The following DENND1B variants were observed in gnomAD, a reference collection of about 807,000 sequenced individuals.
DENND1B encodes DENN domain containing 1B.
In DENND1B, 59 loss-of-function variants were observed where a neutral mutation model predicts 90.1. That is an observed-to-expected ratio of 0.65 (90% CI 0.53 to 0.81). The LOEUF is 0.81. DENND1B is among the 40% of genes least tolerant of loss of function. DENND1B has a pLI of 0.00. For synonymous variants in DENND1B, 337 were observed against 324.6 expected (o/e 1.04, Z -0.41); for missense variants, 862 against 912.6 (o/e 0.94, Z 0.71).
chr1:197,519,118 T>C (rs1668596496), intron 20 of DENND1B, among the ~76,000 whole-genome samples: 1 of 152,006 alleles, frequency 6.6e-6, no homozygotes. Context: ...TGGTTTTGTA[T>C]CTGTCAGCAT....
At chr1:197,614,872 T>G (rs761133228) in intron 11 of DENND1B, among the ~76,000 whole-genome samples, 4 of 151,120 alleles carry the variant, frequency 2.6e-5, no homozygotes, top group Non-Finnish European at 4.5e-5. Context: ...ACAATTTTAC[T>G]AGTCCTACAG....
intron 15 of DENND1B, among the ~76,000 whole-genome samples, chr1:197,580,846 A>G (rs1371738510): frequency 1.2e-4 from 19 of 152,186 alleles, no homozygotes; most frequent in Admixed American, 1.2e-3. Context: ...TAAAGTGAGC[A>G]CTAGGCTTTG....
chr1:197,683,978 G>A (rs1332296902), intron 3 of DENND1B, among the ~76,000 whole-genome samples: 1 of 152,168 alleles, frequency 6.6e-6, no homozygotes, highest in African/African-American at 2.4e-5. Context: ...CAACTTCGGA[G>A]GTGCCCTAGG....
At chr1:197,545,297 T>C (rs1178819399) in intron 18 of DENND1B, among the ~76,000 whole-genome samples, 1 of 151,732 alleles carries the variant, frequency 6.6e-6, no homozygotes, top group African/African-American at 2.4e-5. Flanking sequence ...CCCAGCTACT[T>C]GGGAGGCTGA....
At chr1:197,566,486 A>G (rs891099831) in intron 15 of DENND1B, among the ~76,000 whole-genome samples, 2 of 152,096 alleles carry the variant, frequency 1.3e-5, no homozygotes, top group Non-Finnish European at 2.9e-5. Flanking sequence ...ATAATGCCGC[A>G]TATCTACAAC....
chr1:197,550,019 T>C (rs1671098186), intron 16 of DENND1B, among the ~76,000 whole-genome samples: 1 of 152,136 alleles, frequency 6.6e-6, no homozygotes, highest in Admixed American at 6.6e-5. Context: ...ACCATCGGCA[T>C]TAACAAAAAT....
intron 2 of DENND1B, among the ~76,000 whole-genome samples, chr1:197,748,496 A>T (rs1243837968): frequency 2.6e-5 from 4 of 152,194 alleles, no homozygotes; most frequent in Admixed American, 6.5e-5. Context: ...TGACCTTAAA[A>T]TAGGGAGCAT....
chr1:197,633,476 A>G (rs947945856), intron 10 of DENND1B, among the ~76,000 whole-genome samples: 1 of 152,194 alleles, frequency 6.6e-6, no homozygotes. Context: ...GCAAAAAGAG[A>G]GAACTTGCTC....
At chr1:197,676,606 T>G (rs1656104162) in intron 3 of DENND1B, among the ~76,000 whole-genome samples, 1 of 152,156 alleles carries the variant, frequency 6.6e-6, no homozygotes, top group Non-Finnish European at 1.5e-5. Flanking sequence ...CTCCAAAATA[T>G]TTTATTTTTA....
In DENND1B at chr1:197,546,077, A is replaced by T; in HGVS notation, c.1282-87T>A. 8.3e-6 allele frequency: 9 copies of T among 1,083,524 alleles called. No individual in the cohort carries two copies. In the South Asian group the frequency reaches 1.4e-4, roughly 17 times the overall value. 67.1% of individuals were successfully genotyped at this position (1,083,524 alleles called of 1,614,324 possible). On this transcript the variant is annotated intron_variant, in intron 17 of 22. Transcript: ENST00000620048. ...AGTATTACAGTAAGTTGCATATTTA[A>T]AAAAAGGGCTTTACTCACAACTTAA... is the stretch of plus-strand genomic sequence containing the variant.
At position 197,645,718 on chromosome 1, in the gene DENND1B, A is replaced by G. The variant is rs1259600608; in HGVS notation, c.533T>C (p.Val178Ala). 1 of 1,572,294 alleles carries G rather than the reference A, an allele frequency of 6.4e-7. No homozygotes were observed. Among genetic ancestry groups the G allele is most frequent in the Admixed American group, 1.8e-5 (1 of 56,650 alleles). The change falls in exon 9 of 23, where the codon GTA (valine) becomes GCA (alanine). Residue 178 changes from valine to alanine, a missense_variant. Coordinates refer to ENST00000620048, the MANE Select transcript of DENND1B (RefSeq NM_001195215.2). ...VPHSYFIAPD[V>A]TGLPTIPESR... ...CTCGGGTATTGTTGGGAGTCCAGTTACATCAGGGGCAATGAAGTAGGAATG... is the reference window on the plus strand; with the variant it reads ...CTCGGGTATTGTTGGGAGTCCAGTTGCATCAGGGGCAATGAAGTAGGAATG...
chr1:197,646,973 G>A (rs1680777467), intron 8 of DENND1B, 82 bp downstream of exon 8: 2 of 1,029,440 alleles, frequency 1.9e-6, no homozygotes, highest in Non-Finnish European at 2.7e-6. Context: ...GGGCTGGAGT[G>A]AAGCTTAAAG....
chr1:197,554,817 G>GGCAACAGA (rs11283651), intron 15 of DENND1B, among the ~76,000 whole-genome samples: 105,703 of 131,548 alleles, frequency 0.8, 42,751 homozygotes, highest in East Asian at 0.87. Context: ...ACTCCAGCCT[G>GGCAACAGA]GCAAGACTCC....
At chr1:197,525,202 T>C (rs1409640891) in intron 20 of DENND1B, among the ~76,000 whole-genome samples, 1 of 152,156 alleles carries the variant, frequency 6.6e-6, no homozygotes, top group African/African-American at 2.4e-5. Context: ...ATAGTTCATA[T>C]GCCAAGTAAT....
chr1:197,606,881 G>A, intron 13 of DENND1B, 192 bp downstream of exon 13: 2 of 541,080 alleles, frequency 3.7e-6, no homozygotes, highest in Admixed American at 3.5e-5. Context: ...TAAGGAATAT[G>A]ATGTTCCATT....
At chr1:197,745,467 C>T (rs1663628965) in intron 2 of DENND1B, among the ~76,000 whole-genome samples, 1 of 151,972 alleles carries the variant, frequency 6.6e-6, no homozygotes. Flanking sequence ...GATGGGGCAA[C>T]AGCTGGTCTG....
intron 3 of DENND1B, among the ~76,000 whole-genome samples, chr1:197,692,739 A>G (rs1658033929): frequency 6.6e-6 from 1 of 151,850 alleles, no homozygotes; most frequent in African/African-American, 2.4e-5. Context: ...CAAAATATTT[A>G]CAAGGGTCAT....
At chr1:197,780,700 A>G in the DENND1B span, among the ~76,000 whole-genome samples, 1 of 152,076 alleles carries the variant, frequency 6.6e-6, no homozygotes, top group East Asian at 1.9e-4. Context: ...GCAAGCTTTT[A>G]AAAATACTTA....
chr1:197,707,692 A>G (rs1014956014), intron 3 of DENND1B, among the ~76,000 whole-genome samples: 1 of 147,044 alleles, frequency 6.8e-6, no homozygotes, highest in African/African-American at 2.5e-5. Context: ...ATATAATATA[A>G]TATAATTATT....
Sources: gnomAD v4.1 joint callset for allele counts (sites outside exome capture counted in the v4.1 genomes callset) on GRCh38, gnomAD v4.1.1 for gene constraint, MANE v1.5 for transcripts, NCBI Gene and HGNC (gene_info 2026-07-23, HGNC 2026-07-21) for gene names.